The following PCDHGA6 variants were observed in gnomAD, a reference collection of about 807,000 sequenced individuals.
The protein encoded by PCDHGA6 is protocadherin gamma subfamily A, 6, also known as protocadherin gamma-A6.
Under a neutral mutation model 60.6 loss-of-function variants are expected in PCDHGA6, and 41 were observed. That is an observed-to-expected ratio of 0.68 (90% confidence interval 0.53 to 0.88). PCDHGA6 has a LOEUF of 0.88. PCDHGA6 is among the 40% of genes least tolerant of loss of function. The probability of loss-of-function intolerance (pLI) is 0.00; values close to 1 mark genes in which losing one functional copy is unlikely to be tolerated. For synonymous variants in PCDHGA6, 594 were observed against 524.4 expected (o/e 1.13, Z -1.81); for missense variants, 1,312 against 1,203.0 (o/e 1.09, Z -1.34).
chr5:141,395,748 GA>G (rs1300341557), intron 1 of PCDHGA6: 2 of 152,878 alleles, frequency 1.3e-5, no homozygotes, highest in African/African-American at 4.8e-5. Flanking sequence ...CCTCTTTTCT[GA>G]GCCCTGTTTC....
chr5:141,426,086 G>A (rs751467304), intron 1 of PCDHGA6, among the ~76,000 whole-genome samples: 5 of 152,218 alleles, frequency 3.3e-5, no homozygotes, highest in Non-Finnish European at 7.3e-5. Context: ...CTACCAGGAC[G>A]ATATTCTGTT....
intron 2 of PCDHGA6, among the ~76,000 whole-genome samples, chr5:141,503,570 G>T (rs996006002): frequency 3.4e-4 from 50 of 147,216 alleles, no homozygotes; most frequent in African/African-American, 1.2e-3. Context: ...CTGTACTCCA[G>T]CCTGGGTGAC....
chr5:141,450,207 A>AAGG (rs1164364390), intron 1 of PCDHGA6, among the ~76,000 whole-genome samples: 13 of 151,832 alleles, frequency 8.6e-5, no homozygotes, highest in Non-Finnish European at 1.8e-4. Flanking sequence ...TAGTAGAGAC[A>AAGG]AGGTTTCACT....
At chr5:141,409,520 T>TTG (rs767613304) in intron 1 of PCDHGA6, 2 of 1,613,966 alleles carry the variant, frequency 1.2e-6, no homozygotes, top group East Asian at 4.5e-5. Flanking sequence ...AAGCATCACC[T>TTG]TGTATGTCGC....
chr5:141,389,628 C>T (rs2091851910), intron 1 of PCDHGA6: 1 of 1,613,000 alleles, frequency 6.2e-7, no homozygotes, highest in Non-Finnish European at 8.5e-7. Context: ...CGCTGCAGAG[C>T]CTGGCTACTT....
chr5:141,405,444 G>A, intron 1 of PCDHGA6: 1 of 1,379,466 alleles, frequency 7.2e-7, no homozygotes, highest in South Asian at 1.3e-5. Flanking sequence ...TTTTGAGACA[G>A]AGTCTTACTC....
At chr5:141,385,719 G>A (rs970031267) in intron 1 of PCDHGA6, 6 of 232,964 alleles carry the variant, frequency 2.6e-5, no homozygotes, top group Non-Finnish European at 3.6e-5. Context: ...ATATGTAAAA[G>A]GTTCTGAAAG....
chr5:141,436,287 T>A (rs565612572), intron 1 of PCDHGA6, among the ~76,000 whole-genome samples: 1 of 152,262 alleles, frequency 6.6e-6, no homozygotes, highest in Admixed American at 6.5e-5. Context: ...TAGGAACAAA[T>A]CATTGAGAGT....
Position 141,486,657 on chromosome 5 carries a change from T to C in PCDHGA6, c.2425-8150T>C. Reference sequence around the variant, plus strand: ...AATGCGCTTATCTCCTACTCACTCCTGGAGCCCAGGAATCGAGATGTATCA... The same window carrying C: ...AATGCGCTTATCTCCTACTCACTCCCGGAGCCCAGGAATCGAGATGTATCA... On this transcript the variant is annotated intron_variant, in intron 1 of 3. Transcript: ENST00000517434. The surrounding 1 kb of genome is among the most constrained non-coding windows in gnomAD (Gnocchi z 5.0). The C allele has an allele frequency of 6.2e-7, 1 of 1,614,010 alleles. No individual in the cohort carries two copies. Among genetic ancestry groups the C allele is most frequent in the Non-Finnish European group, 8.5e-7 (1 of 1,180,030 alleles).
At chr5:141,470,585 G>A (rs2099233788) in intron 1 of PCDHGA6, among the ~76,000 whole-genome samples, 1 of 152,188 alleles carries the variant, frequency 6.6e-6, no homozygotes, top group African/African-American at 2.4e-5. Flanking sequence ...AACTTCATAG[G>A]CAGGCGACCT....
intron 1 of PCDHGA6, chr5:141,389,862 C>CGTGG (rs2091951757): frequency 6.2e-7 from 1 of 1,613,964 alleles, no homozygotes; most frequent in Non-Finnish European, 8.5e-7. Flanking sequence ...CACGTTGCAC[C>CGTGG]TGGTCTTCGC....
chr5:141,507,619 G>T (rs1237918589), intron 3 of PCDHGA6, among the ~76,000 whole-genome samples: 22 of 152,256 alleles, frequency 1.4e-4, no homozygotes, highest in Admixed American at 1.4e-3. Context: ...ATATTTAGCT[G>T]TTGTGGCCTT....
At chr5:141,457,318 C>T (rs990268003) in intron 1 of PCDHGA6, among the ~76,000 whole-genome samples, 3 of 152,238 alleles carry the variant, frequency 2.0e-5, no homozygotes, top group South Asian at 2.1e-4. Context: ...AAGAAACCTC[C>T]GGGTTACAGG....
At chr5:141,465,867 A>G (rs1049493106) in intron 1 of PCDHGA6, among the ~76,000 whole-genome samples, 5 of 152,040 alleles carry the variant, frequency 3.3e-5, no homozygotes, top group African/African-American at 9.7e-5. Context: ...TCATGCCTGT[A>G]ATCCCAGCAC....
At chr5:141,448,822 G>A (rs924937891) in intron 1 of PCDHGA6, among the ~76,000 whole-genome samples, 4 of 152,048 alleles carry the variant, frequency 2.6e-5, no homozygotes, top group African/African-American at 9.7e-5. Context: ...GCGGGCGCCT[G>A]TAGTCCCAGC....
intron 1 of PCDHGA6, among the ~76,000 whole-genome samples, chr5:141,484,569 AGACT>A (rs1376518478): frequency 1.3e-5 from 2 of 152,106 alleles, no homozygotes; most frequent in African/African-American, 2.4e-5. Context: ...CAATACAATC[AGACT>A]GAGACGGAAG....
At chr5:141,447,313 T>C (rs2098534296) in intron 1 of PCDHGA6, among the ~76,000 whole-genome samples, 1 of 152,146 alleles carries the variant, frequency 6.6e-6, no homozygotes, top group African/African-American at 2.4e-5. Context: ...CTAATTTTTG[T>C]ATTTTTAGTA....
intron 1 of PCDHGA6, among the ~76,000 whole-genome samples, chr5:141,448,669 G>T: frequency 6.6e-6 from 1 of 152,136 alleles, no homozygotes; most frequent in East Asian, 1.9e-4. Flanking sequence ...GGCCGGGCGC[G>T]GTGGCTCACG....
At chr5:141,384,107 G>T in intron 1 of PCDHGA6, 3 of 1,602,850 alleles carry the variant, frequency 1.9e-6, no homozygotes, top group Non-Finnish European at 2.6e-6. Context: ...AATTATTATA[G>T]ATTGGTCACA....
Sources: gnomAD v4.1 joint callset for allele counts (sites outside exome capture counted in the v4.1 genomes callset) on GRCh38, gnomAD v4.1.1 for gene constraint, Gnocchi (gnomAD v3.1) non-coding constraint, MANE v1.5 for transcripts, NCBI Gene and HGNC (gene_info 2026-07-23, HGNC 2026-07-21) for gene names.